Variants in TEX36 observed in about 807,000 individuals in gnomAD.
TEX36 encodes testis expressed 36.
In TEX36, 12 loss-of-function variants were observed where a neutral mutation model predicts 13.6. That is an observed-to-expected ratio of 0.88 (90% CI 0.56 to 1.43). The LOEUF is 1.43. Among genes scored for constraint, TEX36 ranks in the 40% most tolerant of loss-of-function variants. TEX36 has a pLI of 0.00. For missense variants in TEX36, 224 were observed against 228.3 expected, an observed-to-expected ratio of 0.98 and a Z score of 0.12; for synonymous variants, 93 against 83.0, an observed-to-expected ratio of 1.12 and a Z score of -0.65.
intron 1 of TEX36, among the ~76,000 whole-genome samples, chr10:125,672,805 G>A (rs1179444510): frequency 6.6e-6 from 1 of 152,156 alleles, no homozygotes; most frequent in Non-Finnish European, 1.5e-5. Context: ...GAATCTGAGT[G>A]CTCCTATATT....
chr10:125,666,315 TA>T (rs1847120913), intron 1 of TEX36, among the ~76,000 whole-genome samples: 1 of 152,218 alleles, frequency 6.6e-6, no homozygotes, highest in Non-Finnish European at 1.5e-5. Flanking sequence ...CTCCATTCAG[TA>T]TGATGTTAGC....
intron 1 of TEX36, among the ~76,000 whole-genome samples, chr10:125,675,248 A>G (rs1484830559): frequency 6.6e-6 from 1 of 152,136 alleles, no homozygotes; most frequent in Non-Finnish European, 1.5e-5. Context: ...CTGGGTCCAC[A>G]TGGTCCAGTC....
chr10:125,579,405 CA>C (rs1290899470), intron 3 of TEX36, among the ~76,000 whole-genome samples: 1 of 152,178 alleles, frequency 6.6e-6, no homozygotes, highest in African/African-American at 2.4e-5. Flanking sequence ...ATGAGAACAG[CA>C]TGGGGGAACT....
chr10:125,618,965 AAAAAAATAC>A (rs771128470), downstream of TEX36, among the ~76,000 whole-genome samples: 1 of 145,152 alleles, frequency 6.9e-6, no homozygotes, highest in African/African-American at 2.6e-5. Flanking sequence ...AAAAAAAAAA[AAAAAAATAC>A]AAAAAATTAG....
At chr10:125,585,467 C>T (rs548713130) in intron 3 of TEX36, among the ~76,000 whole-genome samples, 138 of 152,226 alleles carry the variant, frequency 9.1e-4, no homozygotes, top group African/African-American at 3.3e-3. Flanking sequence ...TCCCCCAAGG[C>T]CTGTCATAGA....
chr10:125,639,983 T>C (rs1396354747), intron 3 of TEX36, among the ~76,000 whole-genome samples: 1 of 152,206 alleles, frequency 6.6e-6, no homozygotes, highest in Non-Finnish European at 1.5e-5. Context: ...ATGGCTTCAG[T>C]GATTCTCCTT....
chr10:125,679,797 T>C (rs1589793143), intron 1 of TEX36, among the ~76,000 whole-genome samples: 1 of 152,354 alleles, frequency 6.6e-6, no homozygotes, highest in East Asian at 1.9e-4. Flanking sequence ...CTAAGTGGGA[T>C]AGGCGGGCAC....
chr10:125,599,024 C>A (rs1035640429), intron 3 of TEX36, among the ~76,000 whole-genome samples: 1 of 152,178 alleles, frequency 6.6e-6, no homozygotes, highest in African/African-American at 2.4e-5. Context: ...GCCTGCCCCA[C>A]TCCGTACCCC....
At chr10:125,612,962 A>C (rs1846308518) in intron 3 of TEX36, among the ~76,000 whole-genome samples, 1 of 152,070 alleles carries the variant, frequency 6.6e-6, no homozygotes, top group Non-Finnish European at 1.5e-5. Flanking sequence ...TATCAATACT[A>C]AAGGCAGCCA....
At chr10:125,655,170 C>T (rs1046998619), downstream of TEX36, among the ~76,000 whole-genome samples, 3 of 152,080 alleles carry the variant, frequency 2.0e-5, no homozygotes, top group African/African-American at 7.2e-5. Flanking sequence ...GAAGGCCAGG[C>T]GCGGTGGCTC....
intron 3 of TEX36, among the ~76,000 whole-genome samples, chr10:125,657,315 G>C (rs1846963490): frequency 6.6e-6 from 1 of 152,126 alleles, no homozygotes; most frequent in South Asian, 2.1e-4. Flanking sequence ...GACACCCCAA[G>C]GGGCTGTGCA....
intron 3 of TEX36, among the ~76,000 whole-genome samples, chr10:125,611,056 AT>A (rs1846283707): frequency 6.6e-6 from 1 of 151,992 alleles, no homozygotes; most frequent in Non-Finnish European, 1.5e-5. Flanking sequence ...TATTGTGAAC[AT>A]TTTTTGGCAA....
At position 125,674,024 on chromosome 10, in the gene TEX36, G is replaced by A. The variant is rs748597429; in HGVS notation, c.51+8915C>T. Among the ~76,000 whole-genome samples, 7 of 152,106 alleles carry A rather than the reference G, an allele frequency of 4.6e-5. 1 individual carries two copies. Among genetic ancestry groups the A allele is most frequent in the Non-Finnish European group, 1.0e-4 (7 of 68,018 alleles). ...ATCCTGAAGTACGTTTTCCAACTTG[G>A]TTCTGTTCTCTCTGTCTCTTTCAGT... On this transcript the variant is annotated intron_variant, in intron 1 of 3. Coordinates refer to ENST00000368821, the MANE Select transcript of TEX36 (RefSeq NM_001128202.3).
intron 3 of TEX36, among the ~76,000 whole-genome samples, chr10:125,645,664 G>A (rs1846758815): frequency 6.6e-6 from 1 of 152,118 alleles, no homozygotes; most frequent in Admixed American, 6.5e-5. Context: ...GGACTAATAT[G>A]CACAGCAATA....
intron 3 of TEX36, among the ~76,000 whole-genome samples, chr10:125,625,235 C>T (rs995276772): frequency 1.3e-5 from 2 of 152,206 alleles, no homozygotes; most frequent in Non-Finnish European, 2.9e-5. Context: ...AGCCCTGGGT[C>T]TAAGCCCAGA....
intron 1 of TEX36, chr10:125,667,160 C>T (rs1385263130): frequency 4.5e-5 from 30 of 671,766 alleles, no homozygotes; most frequent in South Asian, 9.6e-5. Flanking sequence ...CCAGGGACAG[C>T]GGGGGGCACT....
chr10:125,664,082 A>T (rs1847089200), intron 1 of TEX36, among the ~76,000 whole-genome samples: 1 of 152,238 alleles, frequency 6.6e-6, no homozygotes, highest in South Asian at 2.1e-4. Flanking sequence ...AAGGAGTGAG[A>T]ACATGTGAAA....
intron 3 of TEX36, among the ~76,000 whole-genome samples, chr10:125,626,905 T>G (rs1208212257): frequency 6.6e-6 from 1 of 152,112 alleles, no homozygotes; most frequent in East Asian, 1.9e-4. Flanking sequence ...CACGACCTCC[T>G]GGAGGCTCCT....
chr10:125,636,415 C>T (rs985138273), intron 3 of TEX36, among the ~76,000 whole-genome samples: 16 of 150,394 alleles, frequency 1.1e-4, no homozygotes, highest in Non-Finnish European at 1.6e-4. Flanking sequence ...GGGGTTTCAC[C>T]GTGTTAGCCA....
Sources: gnomAD v4.1 joint callset for allele counts (sites outside exome capture counted in the v4.1 genomes callset) on GRCh38, gnomAD v4.1.1 for gene constraint, MANE v1.5 for transcripts, NCBI Gene and HGNC (gene_info 2026-07-23, HGNC 2026-07-21) for gene names.